ALMS1: variants seen among roughly 807,000 people sequenced by gnomAD.
The protein encoded by ALMS1 is centrosome-associated protein ALMS1.
Under a neutral mutation model 352.2 loss-of-function variants are expected in ALMS1, and 271 were observed. That is an observed-to-expected ratio of 0.77 (90% confidence interval 0.70 to 0.85). The LOEUF is 0.85. Among genes scored for constraint, ALMS1 ranks in the 40% least tolerant of loss-of-function variants. The probability of loss-of-function intolerance (pLI) is 0.00; values close to 1 mark genes in which losing one functional copy is unlikely to be tolerated. For missense variants in ALMS1, 5,445 were observed against 4,870.7 expected (o/e 1.12, Z -3.51); for synonymous variants, 1,865 against 1,761.2 (o/e 1.06, Z -1.48).
intron 4 of ALMS1, among the ~76,000 whole-genome samples, chr2:73,423,847 G>A (rs1671329125): frequency 6.6e-6 from 1 of 151,690 alleles, no homozygotes; most frequent in African/African-American, 2.4e-5. Flanking sequence ...GTGCCATCAT[G>A]GCTCACTGTG....
At chr2:73,597,349 G>A (rs372776179) in intron 16 of ALMS1, among the ~76,000 whole-genome samples, 5 of 152,074 alleles carry the variant, frequency 3.3e-5, no homozygotes, top group African/African-American at 1.2e-4. Context: ...TTTCTACAAA[G>A]AAAATCATGT....
At chr2:73,424,996 A>T in intron 5 of ALMS1, 94 bp downstream of exon 5, 1 of 1,072,876 alleles carries the variant, frequency 9.3e-7, no homozygotes, top group Middle Eastern at 3.1e-4. Flanking sequence ...CCCTTTTCCT[A>T]TGTGCCATGG....
At chr2:73,466,495 GA>G (rs1396024591) in intron 9 of ALMS1, among the ~76,000 whole-genome samples, 2 of 117,930 alleles carry the variant, frequency 1.7e-5, no homozygotes, top group Non-Finnish European at 3.4e-5. Flanking sequence ...GGGGTGGGGG[GA>G]GGGGGGAGGG....
chr2:73,403,530 A>G (rs935955423), intron 1 of ALMS1, among the ~76,000 whole-genome samples: 3 of 152,200 alleles, frequency 2.0e-5, no homozygotes, highest in South Asian at 2.1e-4. Context: ...TTGTGGTTCT[A>G]TATGAATTTT....
chr2:73,518,530 G>A (rs1345243801), intron 10 of ALMS1, among the ~76,000 whole-genome samples: 2 of 152,104 alleles, frequency 1.3e-5, no homozygotes, highest in African/African-American at 4.8e-5. Flanking sequence ...AGCTCTATGA[G>A]GAATTGCCAC....
rs202060439 is a variant in ALMS1, at chr2:73,454,034, G to A, written c.7507G>A (p.Ala2503Thr). The change falls in exon 8 of 23, where the codon GCA becomes ACA. Residue 2503 changes from alanine (A) to threonine (T), a missense_variant. By Grantham distance (58) the Ala-to-Thr change is moderately conservative (BLOSUM62 0). Transcript: ENST00000613296. ...LNHAKEILRN[A>T]EEEESRVRAH... Reference sequence around the variant, plus strand: ...TCATGCTAAAGAAATACTCAGAAATGCAGAGGAAGAGGAAAGCCGGGTACG... The same window carrying A: ...TCATGCTAAAGAAATACTCAGAAATACAGAGGAAGAGGAAAGCCGGGTACG... The A allele has an allele frequency of 7.1e-5, 115 of 1,612,836 alleles. No individual in the cohort carries two copies. The highest frequency in any genetic ancestry group is 9.2e-5 in the Non-Finnish European group (109 of 1,179,496).
At chr2:73,399,168 C>G (rs1326642514) in intron 1 of ALMS1, among the ~76,000 whole-genome samples, 1 of 152,264 alleles carries the variant, frequency 6.6e-6, no homozygotes, top group South Asian at 2.1e-4. Flanking sequence ...TCTGTATAGA[C>G]AGACAGTCAT....
rs976640133 is a variant in ALMS1, at chr2:73,519,975, C to T, written c.9740C>T (p.Ser3247Leu). 3.1e-6 allele frequency: 5 copies of T among 1,614,098 alleles called. No homozygotes were observed. Among genetic ancestry groups the T allele is most frequent in the Non-Finnish European group, 4.2e-6 (5 of 1,179,962 alleles). Residue 3247 changes from serine (S) to leucine (L), a missense_variant, in exon 11 of 23, where the codon TCA (serine) becomes TTA (leucine). By Grantham distance (145) the Ser-to-Leu change is moderately radical. Coordinates refer to ENST00000613296, the MANE Select transcript of ALMS1 (RefSeq NM_001378454.1). ...AAAGCTCCTGTCAAGTTTGCCTCAT[C>T]ATCTTCAGTCCAACAGGTTACTTTT... ...LRKAPVKFAS[S>L]SSVQQVTFSR...
Position 73,405,374 on chromosome 2 carries a change from AGTT to A in ALMS1, c.325-3244_325-3242del, listed in dbSNP as rs938082437. ...TAGGCTGTCCAATTAGTTGGAGTAC[AGTT>A]GTTCATAGTATTCTCCTATGATCCT... On this transcript the variant is annotated intron_variant, in intron 1 of 22. Coordinates refer to ENST00000613296, the MANE Select transcript of ALMS1 (RefSeq NM_001378454.1). Among the ~76,000 whole-genome samples the A allele has an allele frequency of 1.3e-3, 204 of 152,268 alleles. 2 individuals carry two copies. The highest frequency in any genetic ancestry group is 4.7e-3 in the African/African-American group (194 of 41,544).
intron 9 of ALMS1, among the ~76,000 whole-genome samples, chr2:73,462,435 C>T (rs1249392893): frequency 1.3e-5 from 2 of 152,108 alleles, no homozygotes; most frequent in Non-Finnish European, 2.9e-5. Context: ...CAGGCCTGCC[C>T]TAAAAGAGCT....
At chr2:73,489,486 T>C (rs781056930) in intron 9 of ALMS1, 148 bp from the exon 10 acceptor site, 17 of 870,854 alleles carry the variant, frequency 2.0e-5, no homozygotes, top group Middle Eastern at 3.1e-4. Context: ...TTGCTTGCTG[T>C]GCTCTTTGTC....
intron 9 of ALMS1, among the ~76,000 whole-genome samples, chr2:73,467,301 A>G (rs1385663815): frequency 6.6e-6 from 1 of 152,148 alleles, no homozygotes; most frequent in East Asian, 1.9e-4. Flanking sequence ...TTCCTACCCA[A>G]AGACTTCACT....
chr2:73,395,076 ATATTTTT>A (rs1670733299), intron 1 of ALMS1, among the ~76,000 whole-genome samples: 1 of 108,264 alleles, frequency 9.2e-6, no homozygotes, highest in African/African-American at 4.4e-5. Context: ...ATATATATAT[ATATTTTT>A]TTTTTTTTTT....
Position 73,496,656 on chromosome 2 carries a change from A to G in ALMS1, c.9539+5158A>G, listed in dbSNP as rs143681906. On this transcript the variant is annotated intron_variant, in intron 10 of 22. Transcript: ENST00000613296. ...GTAAGAATTATTCAGAGCTAAACTA[A>G]TACTGGTTTTTCAGAGTGTCTGTAT... 4.6e-4 allele frequency among the ~76,000 whole-genome samples: 69 copies of G among 151,334 alleles called. 3 individuals carry two copies. The East Asian group carries it at 0.012, about 26-fold the overall frequency.
Position 73,573,398 on chromosome 2 carries a change from G to A in ALMS1, c.11521G>A (p.Glu3841Lys), listed in dbSNP as rs28730860. Reference sequence around the variant, plus strand: ...TACAGGTCATCCCCTAGTGACTTCTGAGCACACCAGAAGGAGACACATCCA... The same window carrying A: ...TACAGGTCATCCCCTAGTGACTTCTAAGCACACCAGAAGGAGACACATCCA... ...LNTGHPLVTS[E>K]HTRRRHIQVA... is the part of the protein sequence containing the mutation. The change falls in exon 16 of 23, where the codon GAG becomes AAG. Residue 3841 changes from glutamate (E) to lysine (K), a missense_variant. Coordinates refer to ENST00000613296, the MANE Select transcript of ALMS1 (RefSeq NM_001378454.1). The A allele has an allele frequency of 6.2e-7, 1 of 1,614,022 alleles. No individual in the cohort carries two copies. The highest frequency in any genetic ancestry group is 8.5e-7 in the Non-Finnish European group (1 of 1,179,986).
chr2:73,450,595 G>C lies in ALMS1; in HGVS notation c.4068G>C (p.Glu1356Asp), dbSNP rs376812264. 272 of 1,611,524 alleles carry C rather than the reference G, an allele frequency of 1.7e-4. No homozygotes were observed. Among genetic ancestry groups the C allele is most frequent in the Non-Finnish European group, 2.2e-4 (261 of 1,179,510 alleles). The change falls in exon 8 of 23, where the codon GAG becomes GAC. Residue 1356 changes from glutamate to aspartate, a missense_variant. Transcript: ENST00000613296. ...TGCCACATAGTCATCCAACTGAAGA[G>C]GCTCTGAAAATTTCAGTTGCCTCTG... ...QVLPHSHPTEEALKISVASEP... is the reference protein window; with the variant it reads ...QVLPHSHPTEDALKISVASEP...
chr2:73,534,187 G>C (rs1481683281), intron 11 of ALMS1, among the ~76,000 whole-genome samples: 1 of 152,076 alleles, frequency 6.6e-6, no homozygotes, highest in African/African-American at 2.4e-5. Context: ...AACAGGAAAA[G>C]ATGGGTAAGT....
chr2:73,512,469 A>T (rs544566631), intron 10 of ALMS1, among the ~76,000 whole-genome samples: 1 of 151,654 alleles, frequency 6.6e-6, no homozygotes, highest in Non-Finnish European at 1.5e-5. Context: ...GCATTTCTCT[A>T]CTACTGACAA....
chr2:73,550,485 A>C (rs751070320), intron 13 of ALMS1, 48 bp downstream of exon 13: 1 of 1,598,424 alleles, frequency 6.3e-7, no homozygotes, highest in Non-Finnish European at 8.6e-7. Flanking sequence ...TCCCCTTTTC[A>C]TCCTAAATGA....
Sources: gnomAD v4.1 joint callset for allele counts (sites outside exome capture counted in the v4.1 genomes callset) on GRCh38, gnomAD v4.1.1 for gene constraint, MANE v1.5 for transcripts, NCBI Gene and HGNC (gene_info 2026-07-23, HGNC 2026-07-21) for gene names.